The following PCDHA3 variants were observed in gnomAD, a reference collection of about 807,000 sequenced individuals.
PCDHA3 encodes the protein protocadherin alpha-3.
A neutral mutation model predicts 62.2 loss-of-function variants in PCDHA3; 41 were observed. That is an observed-to-expected ratio of 0.66 (90% confidence interval 0.51 to 0.86). The LOEUF (loss-of-function observed/expected upper bound fraction) is 0.86. Ranked by LOEUF, PCDHA3 falls within the 40% of genes least tolerant of loss-of-function variation. The pLI is 0.00. For missense variants in PCDHA3, 1,304 were observed against 1,241.2 expected (o/e 1.05, Z -0.76); for synonymous variants, 640 against 555.4 (o/e 1.15, Z -2.14).
At chr5:140,947,767 C>A (rs1585277827) in intron 1 of PCDHA3, among the ~76,000 whole-genome samples, 1 of 151,486 alleles carries the variant, frequency 6.6e-6, no homozygotes, top group East Asian at 1.9e-4. Context: ...TTAAAAAATT[C>A]TATTGTAAAT....
intron 1 of PCDHA3, chr5:140,876,814 G>A (rs571648883): frequency 1.1e-5 from 18 of 1,614,108 alleles, no homozygotes; most frequent in Non-Finnish European, 1.5e-5. Context: ...GGTGGCCGAC[G>A]TGAACGACAA....
At chr5:140,805,637 T>C (rs547557832) in intron 1 of PCDHA3, 2 of 878,712 alleles carry the variant, frequency 2.3e-6, no homozygotes, top group African/African-American at 1.8e-5. Context: ...TGTGGTTTAT[T>C]TATTGGGAAG....
rs1164447924 is a variant in PCDHA3, at chr5:141,009,514, AT to A, written c.2543-108del. The A allele has an allele frequency of 1.5e-5, 22 of 1,501,204 alleles. 1 individual carries two copies. The South Asian group carries it at 1.9e-4, about 13-fold the overall frequency. 93.0% of individuals were successfully genotyped at this position (1,501,204 alleles called of 1,614,324 possible). ...CTCAGACTTGAACAAACAACTCGTG[AT>A]TTTTCTGGGGAGGTTCAGCCTGCCT... On this transcript the variant is annotated intron_variant, in intron 3 of 3. Coordinates refer to ENST00000522353, the MANE Select transcript of PCDHA3 (RefSeq NM_018906.3).
chr5:140,909,784 C>T (rs1380024637), intron 1 of PCDHA3, among the ~76,000 whole-genome samples: 1 of 152,154 alleles, frequency 6.6e-6, no homozygotes, highest in African/African-American at 2.4e-5. Context: ...TGGACCCACT[C>T]TAAGTCAGAC....
At chr5:140,956,331 C>T (rs1554222358) in intron 1 of PCDHA3, among the ~76,000 whole-genome samples, 1 of 152,064 alleles carries the variant, frequency 6.6e-6, no homozygotes, top group Non-Finnish European at 1.5e-5. Flanking sequence ...TCCTTCAATA[C>T]CTAGTTTATT....
intron 1 of PCDHA3, chr5:140,866,712 T>C (rs2049515311): frequency 6.6e-6 from 1 of 152,156 alleles, no homozygotes; most frequent in South Asian, 2.1e-4. Context: ...CGTGCACTAG[T>C]AAGACATTAA....
chr5:140,807,829 C>T (rs144103385), intron 1 of PCDHA3: 26 of 1,614,004 alleles, frequency 1.6e-5, no homozygotes, highest in Middle Eastern at 1.6e-4. Flanking sequence ...TGCTCACAGC[C>T]ACTGATGGAG....
At chr5:140,864,945 C>A (rs2048665503) in intron 1 of PCDHA3, 1 of 152,120 alleles carries the variant, frequency 6.6e-6, no homozygotes, top group African/African-American at 2.4e-5. Flanking sequence ...GGCCTGTAAT[C>A]CCAGCATTTT....
chr5:140,966,330 G>A, intron 1 of PCDHA3: 2 of 393,050 alleles, frequency 5.1e-6, no homozygotes, highest in Non-Finnish European at 9.0e-6. Context: ...CTGGGATCCG[G>A]CAGGTCCAGG....
At chr5:140,919,614 T>C (rs1186816141) in intron 1 of PCDHA3, among the ~76,000 whole-genome samples, 1 of 152,212 alleles carries the variant, frequency 6.6e-6, no homozygotes, top group Non-Finnish European at 1.5e-5. Flanking sequence ...TTAAACTGTA[T>C]CTTTTGAGTT....
rs1554122119 is a variant in PCDHA3, at chr5:140,802,422, C to A, written c.1225C>A (p.Leu409Met). 1 of 1,614,234 alleles carries A rather than the reference C, an allele frequency of 6.2e-7. No homozygotes were observed. The highest frequency in any genetic ancestry group is 1.1e-5 in the South Asian group (1 of 91,088). ...CTTCAAGAATTACTACTCATTGGTG[C>A]TGGACAGCCCTCTGGACCGCGAGAG... is the stretch of plus-strand genomic sequence containing the variant. ...STFKNYYSLV[L>M]DSPLDRESVS... Residue 409 changes from leucine (L) to methionine (M), a missense_variant, in exon 1 of 4, where the codon CTG (leucine) becomes ATG (methionine). Leu to Met is a conservative substitution (Grantham distance 15, BLOSUM62 2). Transcript: ENST00000522353.
intron 1 of PCDHA3, among the ~76,000 whole-genome samples, chr5:140,941,191 T>TTTTC (rs1217097209): frequency 2.1e-5 from 2 of 93,206 alleles, no homozygotes; most frequent in African/African-American, 7.9e-5. Flanking sequence ...GCTTCTTTTT[T>TTTTC]TTTCTTTCTT....
intron 1 of PCDHA3, among the ~76,000 whole-genome samples, chr5:140,821,070 A>G (rs1317979536): frequency 6.6e-6 from 1 of 152,132 alleles, no homozygotes; most frequent in East Asian, 1.9e-4. Flanking sequence ...AAATAGTTTT[A>G]GTTGTTTTTG....
At chr5:140,839,113 G>A (rs2150294815) in intron 1 of PCDHA3, among the ~76,000 whole-genome samples, 18 of 151,872 alleles carry the variant, frequency 1.2e-4, no homozygotes, top group African/African-American at 4.4e-4. Flanking sequence ...TTACCATTAA[G>A]CCATAATATG....
At chr5:140,966,680 A>AGCG in intron 1 of PCDHA3, 1 of 1,317,158 alleles carries the variant, frequency 7.6e-7, no homozygotes, top group Non-Finnish European at 9.8e-7. Flanking sequence ...GGGTGGCACG[A>AGCG]GCGGAGGCGG....
Position 140,802,685 on chromosome 5 carries a change from A to G in PCDHA3, c.1488A>G (p.Glu496=), listed in dbSNP as rs1045949205. 38 of 1,612,942 alleles carry G rather than the reference A, an allele frequency of 2.4e-5. No individual in the cohort carries two copies. The highest frequency in any genetic ancestry group is 3.1e-5 in the Non-Finnish European group (36 of 1,179,776). The part of the protein sequence containing the change: ...ENALVSYSLV[E]RRVGERALSS... ...CCCTGGTGTCCTACTCGCTGGTGGA[A>G]CGGCGGGTGGGGGAGCGCGCGCTGT... is the stretch of plus-strand genomic sequence containing the variant. Residue 496 remains glutamate, a synonymous_variant, in exon 1 of 4, where the codon GAA becomes GAG. Transcript: ENST00000522353.
In PCDHA3 at chr5:140,972,940, A is replaced by G. The variant is rs148421479; in HGVS notation, c.2395-6009A>G. The stretch of plus-strand genomic sequence containing the variant: ...GCCTCCCAAAGTGCTGGGATTACAG[A>G]TGTGAGCCACCATGCCCGGCAAAGG... On this transcript the variant is annotated intron_variant, in intron 1 of 3. Coordinates refer to ENST00000522353, the MANE Select transcript of PCDHA3 (RefSeq NM_018906.3). Among the ~76,000 whole-genome samples the G allele has an allele frequency of 9.4e-3, 1,423 of 152,078 alleles. 26 individuals are homozygous for G. The highest frequency in any genetic ancestry group is 0.032 in the African/African-American group (1,334 of 41,472).
chr5:140,972,660 A>ATTTT (rs11350929), intron 1 of PCDHA3, among the ~76,000 whole-genome samples: 3 of 117,268 alleles, frequency 2.6e-5, no homozygotes, highest in Admixed American at 9.2e-5. Context: ...AAGAAACCAA[A>ATTTT]TTTTTTTTTT....
At chr5:140,848,690 G>T in intron 1 of PCDHA3, 2 of 1,592,462 alleles carry the variant, frequency 1.3e-6, no homozygotes, top group Non-Finnish European at 1.7e-6. Context: ...GCCTGTTCCA[G>T]TTGGATTCCA....
Sources: allele counts gnomAD v4.1 joint callset (sites outside exome capture counted in the v4.1 genomes callset), GRCh38; gene constraint gnomAD v4.1.1; transcripts MANE v1.5; gene names NCBI Gene and HGNC (gene_info 2026-07-23, HGNC 2026-07-21).